Variants in CUX1 observed in about 807,000 individuals in gnomAD.
CUX1 encodes protein CASP.
CUX1 carries 31 observed loss-of-function variants against 158.8 expected under a neutral mutation model. The ratio of observed to expected loss-of-function variants is 0.20; its 90% confidence interval spans 0.15 to 0.26. CUX1 has a LOEUF of 0.26. CUX1 is among the 10% of genes least tolerant of loss of function. The probability of loss-of-function intolerance (pLI) is 1.00; values close to 1 mark genes in which losing one functional copy is unlikely to be tolerated. For missense variants in CUX1, 1,589 were observed against 2,014.6 expected, an observed-to-expected ratio of 0.79 and a Z score of 4.04; for synonymous variants, 879 against 862.1, an observed-to-expected ratio of 1.02 and a Z score of -0.34.
intron 2 of CUX1, among the ~76,000 whole-genome samples, chr7:101,968,509 G>A (rs1176001432): frequency 6.6e-6 from 1 of 152,104 alleles, no homozygotes; most frequent in Non-Finnish European, 1.5e-5. Flanking sequence ...CGCAGCCTCC[G>A]TCTCCCAGGT....
chr7:101,905,286 G>C (rs1043649731), intron 1 of CUX1, among the ~76,000 whole-genome samples: 2 of 152,210 alleles, frequency 1.3e-5, no homozygotes, highest in Non-Finnish European at 2.9e-5. Context: ...GCACAAAGCT[G>C]TTTTCCAAGC....
At chr7:102,182,131 A>C (rs1266943072) in intron 11 of CUX1, among the ~76,000 whole-genome samples, 1 of 152,218 alleles carries the variant, frequency 6.6e-6, no homozygotes, top group Non-Finnish European at 1.5e-5. Flanking sequence ...AGGAGGCTCC[A>C]AGCTCCCAGC....
chr7:102,171,069 C>A (rs888819899), intron 10 of CUX1, among the ~76,000 whole-genome samples: 1 of 152,196 alleles, frequency 6.6e-6, no homozygotes, highest in African/African-American at 2.4e-5. Flanking sequence ...TTGCAGCTTG[C>A]TTTTTCTGAA....
intron 2 of CUX1, among the ~76,000 whole-genome samples, chr7:101,984,089 A>AAAAAAAAAATAT (rs1221503978): frequency 1.0e-4 from 3 of 29,846 alleles, no homozygotes; most frequent in African/African-American, 3.7e-4. Flanking sequence ...AAAAAAAAAA[A>AAAAAAAAAATAT]ATATATATAT....
In CUX1 at chr7:101,965,342, C is replaced by A. The variant is rs929830348; in HGVS notation, c.141+49117C>A. ...CAGTGGGTATCACAGACGAAACTCA[C>A]AAGCCACAAAGAGGTTCCCAGGTCG... On this transcript the variant is annotated intron_variant, in intron 2 of 23. Transcript: ENST00000292535. Among the ~76,000 whole-genome samples the A allele has an allele frequency of 4.6e-5, 7 of 152,194 alleles. No homozygotes were observed. In the South Asian group the frequency reaches 8.3e-4, roughly 18 times the overall value.
At chr7:102,229,467 G>A (rs1378662807) in intron 21 of CUX1, among the ~76,000 whole-genome samples, 6 of 149,162 alleles carry the variant, frequency 4.0e-5, no homozygotes, top group Non-Finnish European at 8.9e-5. Context: ...ATCCGCCACC[G>A]TGCCCAGCTA....
intron 2 of CUX1, among the ~76,000 whole-genome samples, chr7:101,956,128 G>C (rs559043128): frequency 9.9e-6 from 1 of 101,494 alleles, no homozygotes; most frequent in Non-Finnish European, 1.8e-5. Context: ...CTTGCAGTGA[G>C]CCCACGTCTC....
At chr7:102,264,070 A>T (rs1790623734) in intron 14 of CUX1, among the ~76,000 whole-genome samples, 1 of 136,116 alleles carries the variant, frequency 7.3e-6, no homozygotes, top group African/African-American at 2.8e-5. Flanking sequence ...CAGTGGCGTG[A>T]TGTCAGCTCA....
Position 101,845,789 on chromosome 7 carries a change from G to A in CUX1, c.30+28120G>A, listed in dbSNP as rs560135884. Among the ~76,000 whole-genome samples the A allele has an allele frequency of 9.9e-5, 15 of 152,262 alleles. No homozygotes were observed. The South Asian group carries it at 1.2e-3, about 13-fold the overall frequency. On this transcript the variant is annotated intron_variant, in intron 1 of 23. Transcript: ENST00000292535. Reference sequence around the variant, plus strand: ...CCCCGCACTTTGGGAGGCTGAGGCCGGAGGACCACTTGAGTTCAAGACCAG... The same window carrying A: ...CCCCGCACTTTGGGAGGCTGAGGCCAGAGGACCACTTGAGTTCAAGACCAG...
intron 4 of CUX1, among the ~76,000 whole-genome samples, chr7:102,085,451 A>G (rs1394765863): frequency 1.3e-5 from 2 of 152,124 alleles, no homozygotes; most frequent in Non-Finnish European, 2.9e-5. Context: ...GGTTATCCCC[A>G]TGCTGTTCTT....
intron 8 of CUX1, among the ~76,000 whole-genome samples, chr7:102,151,246 A>G (rs1244827551): frequency 6.6e-6 from 1 of 152,116 alleles, no homozygotes; most frequent in Non-Finnish European, 1.5e-5. Flanking sequence ...TTTGGAGAGA[A>G]AGTGGATGAT....
At chr7:102,004,195 A>C (rs1817052136) in intron 2 of CUX1, among the ~76,000 whole-genome samples, 1 of 152,144 alleles carries the variant, frequency 6.6e-6, no homozygotes, top group Admixed American at 6.6e-5. Flanking sequence ...GGCTGTTACC[A>C]CATGGTTTGA....
intron 3 of CUX1, among the ~76,000 whole-genome samples, chr7:102,042,050 G>T (rs768788827): frequency 6.7e-6 from 1 of 148,206 alleles, no homozygotes; most frequent in East Asian, 1.9e-4. Flanking sequence ...GAGTGAGTGT[G>T]TGAGTGTGTG....
intron 8 of CUX1, among the ~76,000 whole-genome samples, chr7:102,139,822 T>C (rs1834265046): frequency 6.6e-6 from 1 of 151,824 alleles, no homozygotes; most frequent in Admixed American, 6.6e-5. Flanking sequence ...CAGCTATTTT[T>C]TTTTTTTTAA....
chr7:102,078,812 A>G (rs1827055486), intron 4 of CUX1, among the ~76,000 whole-genome samples: 1 of 151,910 alleles, frequency 6.6e-6, no homozygotes, highest in Admixed American at 6.6e-5. Flanking sequence ...AGGCCATTCC[A>G]TTTTCAGAGC....
intron 1 of CUX1, among the ~76,000 whole-genome samples, chr7:101,827,285 CTTCTCTTCTT>C (rs1348483995): frequency 4.4e-4 from 59 of 133,418 alleles, no homozygotes; most frequent in African/African-American, 1.4e-3. Flanking sequence ...CTTCTCTTCT[CTTCTCTTCTT>C]TTCTTTTCTT....
At chr7:102,090,942 C>T (rs1457850053) in intron 4 of CUX1, among the ~76,000 whole-genome samples, 3 of 152,150 alleles carry the variant, frequency 2.0e-5, no homozygotes, top group Admixed American at 6.5e-5. Flanking sequence ...GGTTAAGTAA[C>T]TTGTCCAAGA....
At position 102,273,414 on chromosome 7, in the gene CUX1, C is replaced by T. The variant is rs139906438; in HGVS notation, c.1304C>T (p.Ala435Val). 17 of 1,612,998 alleles carry T rather than the reference C, an allele frequency of 1.1e-5. 1 individual carries two copies. In the African/African-American group the frequency reaches 1.6e-4, roughly 15 times the overall value. ...CGTATCACTGAGGCTGTGGCCACAG[C>T]CACTGAGCAGAGAGAGCTGATCGCC... is the stretch of plus-strand genomic sequence containing the variant. The change falls in exon 15 of 23, where the codon GCC (alanine) becomes GTC (valine). Residue 435 changes from alanine to valine, a missense_variant. Ala to Val is a moderately conservative substitution (Grantham distance 64). Transcript: ENST00000292538.
At chr7:102,007,227 G>A (rs190919710) in intron 2 of CUX1, among the ~76,000 whole-genome samples, 2 of 151,908 alleles carry the variant, frequency 1.3e-5, no homozygotes, top group African/African-American at 2.4e-5. Flanking sequence ...CTGCAGCCTC[G>A]GCCTCCTGTA....
Sources: allele counts gnomAD v4.1 joint callset (sites outside exome capture counted in the v4.1 genomes callset), GRCh38; gene constraint gnomAD v4.1.1; transcripts MANE v1.5; gene names NCBI Gene and HGNC (gene_info 2026-07-23, HGNC 2026-07-21).